ANK3: variants seen among roughly 807,000 people sequenced by gnomAD.
ANK3 encodes the protein ankyrin-3.
ANK3 carries 57 observed loss-of-function variants against 370.9 expected under a neutral mutation model. The observed-to-expected ratio is 0.15, with a 90% confidence interval of 0.12 to 0.19. ANK3 has a LOEUF of 0.19. ANK3 is among the 10% of genes least tolerant of loss of function. The pLI, the probability that ANK3 is intolerant of heterozygous loss-of-function variation, is 1.00. For synonymous variants in ANK3, 1,929 were observed against 1,946.3 expected (o/e 0.99, Z 0.23); for missense variants, 4,439 against 5,302.1 (o/e 0.84, Z 5.06).
chr10:60,045,534 G>A (rs76383289), intron 42 of ANK3, among the ~76,000 whole-genome samples: 1 of 152,082 alleles, frequency 6.6e-6, no homozygotes, highest in Non-Finnish European at 1.5e-5. Context: ...CTTATAGTTC[G>A]GGAGAACAAG....
At chr10:60,591,405 T>C (rs1271450637) in intron 2 of ANK3, among the ~76,000 whole-genome samples, 1 of 151,570 alleles carries the variant, frequency 6.6e-6, no homozygotes, top group Non-Finnish European at 1.5e-5. Context: ...AGTGGAGCAA[T>C]TATGGCTTAC....
chr10:60,681,175 G>A (rs2079190277), intron 1 of ANK3, among the ~76,000 whole-genome samples: 1 of 152,072 alleles, frequency 6.6e-6, no homozygotes, highest in Admixed American at 6.5e-5. Context: ...TTCTGTTGAA[G>A]TTTGGTCTCT....
intron 2 of ANK3, among the ~76,000 whole-genome samples, chr10:60,567,425 A>C (rs2077489961): frequency 6.6e-6 from 1 of 152,160 alleles, no homozygotes; most frequent in Non-Finnish European, 1.5e-5. Flanking sequence ...TGGTTTGCTG[A>C]ATATTTTAAG....
intron 2 of ANK3, among the ~76,000 whole-genome samples, chr10:60,410,987 C>G (rs1308586658): frequency 6.6e-6 from 1 of 152,102 alleles, no homozygotes; most frequent in East Asian, 1.9e-4. Context: ...CCCATCCAAT[C>G]TTTATCCCTC....
chr10:60,235,948 C>G (rs1195985831), intron 7 of ANK3, among the ~76,000 whole-genome samples: 1 of 152,198 alleles, frequency 6.6e-6, no homozygotes, highest in East Asian at 1.9e-4. Flanking sequence ...CCATTTTACA[C>G]ATGCAGAAAC....
chr10:60,704,467 AC>A (rs1402348546), intron 1 of ANK3, among the ~76,000 whole-genome samples: 1 of 152,220 alleles, frequency 6.6e-6, no homozygotes, highest in Non-Finnish European at 1.5e-5. Context: ...ACACAAAAAA[AC>A]AAGTATCTGA....
chr10:60,447,536 A>T (rs1484774787), intron 2 of ANK3, among the ~76,000 whole-genome samples: 2 of 152,192 alleles, frequency 1.3e-5, no homozygotes, highest in Non-Finnish European at 2.9e-5. Context: ...AACTGAAATA[A>T]ATGATGTCTG....
intron 2 of ANK3, among the ~76,000 whole-genome samples, chr10:60,485,597 G>C (rs898906416): frequency 6.6e-6 from 1 of 152,190 alleles, no homozygotes; most frequent in African/African-American, 2.4e-5. Context: ...AGCTCTCTAA[G>C]GGCGGGGTAG....
In ANK3 at chr10:60,540,943, T is replaced by C. The variant is rs373791507; in HGVS notation, c.96+74243A>G. Among the ~76,000 whole-genome samples the C allele has an allele frequency of 2.6e-5, 4 of 152,104 alleles. No homozygotes were observed. In the South Asian group the frequency reaches 8.3e-4, roughly 32 times the overall value. On this transcript the variant is annotated intron_variant, in intron 2 of 43. Coordinates refer to the ANK3 transcript ENST00000373827. ...CAACAGCATGTATAAAGATATTTAT[T>C]ACTATAGTATCATCTAAGTGAAAAA...
At chr10:60,375,784 G>A (rs1329160085) in intron 1 of ANK3, among the ~76,000 whole-genome samples, 3 of 152,068 alleles carry the variant, frequency 2.0e-5, no homozygotes, top group Non-Finnish European at 2.9e-5. Context: ...GGTATTTATC[G>A]TTTCCTTATT....
intron 1 of ANK3, among the ~76,000 whole-genome samples, chr10:60,337,486 G>A (rs77631108): frequency 0.031 from 4,770 of 152,092 alleles, 244 homozygotes; most frequent in African/African-American, 0.11. Flanking sequence ...TTCAATCATA[G>A]CATTTTCTCT....
At chr10:60,077,173 G>A (rs538723280) in intron 36 of ANK3, among the ~76,000 whole-genome samples, 1 of 152,192 alleles carries the variant, frequency 6.6e-6, no homozygotes, top group South Asian at 2.1e-4. Context: ...AGAGCAAGAA[G>A]TTTTCTGAGT....
chr10:60,085,564 A>G (rs1186235424), intron 30 of ANK3, among the ~76,000 whole-genome samples: 1 of 151,708 alleles, frequency 6.6e-6, no homozygotes, highest in Non-Finnish European at 1.5e-5. Flanking sequence ...TGCAATTTGT[A>G]AGTGCAAAGA....
rs1157373349 is a variant in ANK3 at position 60,045,321 on chromosome 10, T to C, written c.13066-2562A>G. On this transcript the variant is annotated intron_variant, in intron 42 of 43. Coordinates refer to ENST00000280772, the MANE Select transcript of ANK3 (RefSeq NM_020987.5). Reference sequence around the variant, plus strand: ...GGGGAAACTCTGAAAGGTCTCACTATGAGTTTTAAAAATAGAATACATTCT... The same window carrying C: ...GGGGAAACTCTGAAAGGTCTCACTACGAGTTTTAAAAATAGAATACATTCT... Among the ~76,000 whole-genome samples, 3 of 152,202 alleles carry C rather than the reference T, an allele frequency of 2.0e-5. No individual in the cohort carries two copies. In the South Asian group the frequency reaches 6.2e-4, roughly 31 times the overall value.
rs1175002002 is a variant in ANK3, at chr10:60,358,443, G to T, written c.114+30982C>A. On this transcript the variant is annotated intron_variant, in intron 1 of 43. Coordinates refer to ENST00000280772, the MANE Select transcript of ANK3 (RefSeq NM_020987.5). ...TGCAGGCTTACCTGGTCTTTCCCCT[G>T]CCTCACTGTGTTTTACTTCTCAGCC... is the stretch of plus-strand genomic sequence containing the variant. Among the ~76,000 whole-genome samples, 6 of 151,982 alleles carry T rather than the reference G, an allele frequency of 3.9e-5. No homozygotes were observed. In the South Asian group the frequency reaches 1.2e-3, roughly 31 times the overall value.
chr10:60,079,862 T>C (rs2084770953), intron 36 of ANK3, among the ~76,000 whole-genome samples: 1 of 151,864 alleles, frequency 6.6e-6, no homozygotes, highest in African/African-American at 2.4e-5. Context: ...TATAAACAGA[T>C]AGGACTGAAT....
chr10:60,389,548 A>T lies in ANK3; in HGVS notation c.-10T>A, dbSNP rs746144622. 1 of 1,613,210 alleles carries T rather than the reference A, an allele frequency of 6.2e-7. No homozygotes were observed. The highest frequency in any genetic ancestry group is 2.2e-5 in the East Asian group (1 of 44,864). On this transcript the variant is annotated 5_prime_UTR_variant, in exon 1 of 44. Coordinates refer to ENST00000280772, the MANE Select transcript of ANK3 (RefSeq NM_020987.5). ...AGGCTGCATGAGCCATAATGCATTTAAAAAGATCCTCTCAAGCACACACGG... is the reference window on the plus strand; with the variant it reads ...AGGCTGCATGAGCCATAATGCATTTTAAAAGATCCTCTCAAGCACACACGG...
At chr10:60,254,768 C>T (rs556640387) in intron 7 of ANK3, among the ~76,000 whole-genome samples, 2 of 152,180 alleles carry the variant, frequency 1.3e-5, no homozygotes, top group Non-Finnish European at 2.9e-5. Context: ...GAAAGCAGCT[C>T]CTAGACCAGG....
chr10:60,554,980 A>G (rs1231884116), intron 2 of ANK3, among the ~76,000 whole-genome samples: 2 of 152,154 alleles, frequency 1.3e-5, no homozygotes, highest in Admixed American at 1.3e-4. Flanking sequence ...AATATTCCCA[A>G]CTTTTCAGCT....
Sources: allele counts gnomAD v4.1 joint callset (sites outside exome capture counted in the v4.1 genomes callset), GRCh38; gene constraint gnomAD v4.1.1; transcripts MANE v1.5; gene names NCBI Gene and HGNC (gene_info 2026-07-23, HGNC 2026-07-21).